CD47: variants seen among roughly 807,000 people sequenced by gnomAD.
The protein encoded by CD47 is CD47 molecule.
CD47 carries 11 observed loss-of-function variants against 44.6 expected under a neutral mutation model. The ratio of observed to expected loss-of-function variants is 0.25; its 90% confidence interval spans 0.16 to 0.41. CD47 has a LOEUF of 0.41. Among genes scored for constraint, CD47 ranks in the 10% least tolerant of loss-of-function variants. CD47 has a pLI of 1.00. For synonymous variants in CD47, 140 were observed against 136.3 expected, an observed-to-expected ratio of 1.03 and a Z score of -0.19; for missense variants, 306 against 386.7, an observed-to-expected ratio of 0.79 and a Z score of 1.75.
intron 8 of CD47, 141 bp downstream of exon 8, chr3:108,051,798 A>T: frequency 1.4e-6 from 1 of 727,454 alleles, no homozygotes; most frequent in Non-Finnish European, 2.6e-6. Context: ...GGACCCATTC[A>T]TGCAAAGGTC....
chr3:108,073,277 T>C (rs913111836), intron 2 of CD47, among the ~76,000 whole-genome samples: 1 of 151,548 alleles, frequency 6.6e-6, no homozygotes, highest in African/African-American at 2.4e-5. Flanking sequence ...ATTAATATAT[T>C]AATATTAATT....
At chr3:108,055,430 A>T (rs1025022983) in intron 7 of CD47, 1 of 698,112 alleles carries the variant, frequency 1.4e-6, no homozygotes, top group African/African-American at 1.9e-5. Flanking sequence ...TGTTACATAG[A>T]TTCAGATTTA....
intron 1 of CD47, 99 bp from the exon 2 acceptor site, chr3:108,080,443 A>G (rs2079395426): frequency 4.6e-6 from 3 of 645,790 alleles, no homozygotes; most frequent in African/African-American, 3.7e-5. Flanking sequence ...CAACATTTCC[A>G]TTGTTCACTT....
rs543022338 is a variant in CD47 at position 108,079,175 on chromosome 3, G to A, written c.400+816C>T. On this transcript the variant is annotated intron_variant, in intron 2 of 10. Coordinates refer to ENST00000361309, the MANE Select transcript of CD47 (RefSeq NM_001777.4). ...CTCAAAATGTGGTTAAGCCATGATC[G>A]GTAATATGACAGGTAATTCTAAATA... Among the ~76,000 whole-genome samples the A allele has an allele frequency of 9.9e-5, 15 of 152,046 alleles. No homozygotes were observed. In the East Asian group the frequency reaches 2.3e-3, roughly 23 times the overall value.
chr3:108,069,372 T>C (rs1047949006), intron 3 of CD47, among the ~76,000 whole-genome samples: 1 of 151,884 alleles, frequency 6.6e-6, no homozygotes, highest in Non-Finnish European at 1.5e-5. Context: ...TACAAGCATA[T>C]AAGCTGTACG....
Position 108,090,963 on chromosome 3 carries a change from C to CGCCGCCGCCGTTACAGGCAGGACCG in CD47, c.-80_-56dup. On this transcript the variant is annotated 5_prime_UTR_variant, in exon 1 of 11. Coordinates refer to ENST00000361309, the MANE Select transcript of CD47 (RefSeq NM_001777.4). Reference sequence around the variant, plus strand: ...CGCCGCAGGTGTCCGGAGCAGCAGCCGCCGCCGCCGTTACAGGCAGGACCG... The same window carrying CGCCGCCGCCGTTACAGGCAGGACCG: ...CGCCGCAGGTGTCCGGAGCAGCAGCCGCCGCCGCCGTTACAGGCAGGACCGGCCGCCGCCGTTACAGGCAGGACCG... 1 of 1,251,434 alleles carries CGCCGCCGCCGTTACAGGCAGGACCG rather than the reference C, an allele frequency of 8.0e-7. No homozygotes were observed. The highest frequency in any genetic ancestry group is 3.3e-5 in the East Asian group (1 of 30,290). 77.5% of individuals were successfully genotyped at this position (1,251,434 alleles called of 1,614,324 possible).
At chr3:108,079,587 A>AG (rs1328778623) in intron 2 of CD47, among the ~76,000 whole-genome samples, 1 of 139,862 alleles carries the variant, frequency 7.1e-6, no homozygotes, top group Non-Finnish European at 1.6e-5. Context: ...AAAAAAAAAA[A>AG]AAAAAAAACA....
chr3:108,053,098 C>T (rs1471250783), intron 7 of CD47: 7 of 152,336 alleles, frequency 4.6e-5, no homozygotes, highest in African/African-American at 7.2e-5. Context: ...AGGCCCATTC[C>T]GCTGGGACCT....
At chr3:108,065,228 A>G (rs898613712) in intron 3 of CD47, among the ~76,000 whole-genome samples, 29 of 152,242 alleles carry the variant, frequency 1.9e-4, no homozygotes, top group African/African-American at 6.5e-4. Flanking sequence ...TACTTTGAAC[A>G]TAAAAGATGA....
intron 1 of CD47, among the ~76,000 whole-genome samples, chr3:108,082,997 CTGAT>C (rs1353248716): frequency 6.6e-6 from 1 of 151,990 alleles, no homozygotes; most frequent in Non-Finnish European, 1.5e-5. Context: ...GTAAAACTGT[CTGAT>C]TTGGGGTTTT....
rs377473158 is a variant in CD47 at position 108,057,742 on chromosome 3, G to A, written c.785-173C>T. The stretch of plus-strand genomic sequence containing the variant: ...GACTCAAAATTATTAGAAGAACAAA[G>A]CCCTCCTTTGCATAACACATACCTT... On this transcript the variant is annotated intron_variant, in intron 6 of 10. Transcript: ENST00000361309. Among the ~76,000 whole-genome samples, 107 of 152,220 alleles carry A rather than the reference G, an allele frequency of 7.0e-4. 4 individuals carry two copies. The South Asian group carries it at 0.021, about 30-fold the overall frequency.
rs1195361549 is a variant in CD47 at position 108,044,962 on chromosome 3, G to A, written c.*2326C>T. 1 of 152,670 alleles carries A rather than the reference G, an allele frequency of 6.6e-6. No individual in the cohort carries two copies. Among genetic ancestry groups the A allele is most frequent in the East Asian group, 1.9e-4 (1 of 5,200 alleles). 9.5% of individuals were successfully genotyped at this position (152,670 alleles called of 1,614,324 possible). ...ACACTGTCTGCAATTTAAATGTGAT[G>A]TGATGGAATTTGGGAGCCATTACAA... On this transcript the variant is annotated 3_prime_UTR_variant, in exon 11 of 11. Transcript: ENST00000361309.
At chr3:108,049,742 C>CA in intron 9 of CD47, 91 bp from the exon 10 acceptor site, 1 of 859,574 alleles carries the variant, frequency 1.2e-6, no homozygotes, top group East Asian at 2.4e-5. Flanking sequence ...GATATGCTAA[C>CA]TAGTCTACAA....
chr3:108,070,432 C>G (rs150900063), intron 3 of CD47, among the ~76,000 whole-genome samples: 1 of 152,052 alleles, frequency 6.6e-6, no homozygotes, highest in Non-Finnish European at 1.5e-5. Flanking sequence ...AAACATTAAC[C>G]GTAATGCATA....
At chr3:108,049,991 T>C (rs2078798083) in intron 9 of CD47, among the ~76,000 whole-genome samples, 1 of 152,220 alleles carries the variant, frequency 6.6e-6, no homozygotes, top group South Asian at 2.1e-4. Flanking sequence ...CCATGCTTCG[T>C]CTCAACCAGT....
At position 108,047,297 on chromosome 3, in the gene CD47, A is replaced by C. The variant is rs1218969976; in HGVS notation, c.968-5T>G. On this transcript the variant is annotated splice_polypyrimidine_tract_variant and splice_region_variant and intron_variant, in intron 10 of 10. Coordinates refer to ENST00000361309, the MANE Select transcript of CD47 (RefSeq NM_001777.4). ...CATCACTTCACTTCAGTTATTCTGG[A>C]AAATTGAAAAATGAACACATAATCA... 6.2e-7 allele frequency: 1 copy of C among 1,603,754 alleles called. No individual in the cohort carries two copies.
intron 7 of CD47, chr3:108,052,234 A>G (rs1188670950): frequency 3.4e-6 from 1 of 296,236 alleles, no homozygotes; most frequent in African/African-American, 2.2e-5. Context: ...CTTTCCCCCA[A>G]ATCAGCCACT....
At chr3:108,076,186 G>C (rs1384265228) in intron 2 of CD47, among the ~76,000 whole-genome samples, 1 of 152,146 alleles carries the variant, frequency 6.6e-6, no homozygotes, top group Non-Finnish European at 1.5e-5. Context: ...AAAATGGGTA[G>C]TGTTTTAAGC....
intron 1 of CD47, among the ~76,000 whole-genome samples, chr3:108,088,246 G>A (rs780320304): frequency 7.9e-5 from 12 of 152,156 alleles, no homozygotes; most frequent in African/African-American, 1.7e-4. Context: ...GCGAATATGC[G>A]TGATTATTTT....
Sources: gnomAD v4.1 joint callset for allele counts (sites outside exome capture counted in the v4.1 genomes callset) on GRCh38, gnomAD v4.1.1 for gene constraint, MANE v1.5 for transcripts, NCBI Gene and HGNC (gene_info 2026-07-23, HGNC 2026-07-21) for gene names.